The following ZNF880 variants were observed in gnomAD, a reference collection of about 807,000 sequenced individuals.
The protein encoded by ZNF880 is zinc finger protein 880.
In ZNF880, 12 loss-of-function variants were observed where a neutral mutation model predicts 11.8. The observed-to-expected ratio is 1.02, with a 90% CI of 0.65 to 1.65. The LOEUF (loss-of-function observed/expected upper bound fraction) is 1.65. Ranked by LOEUF, ZNF880 falls within the 40% of genes most tolerant of loss-of-function variation. ZNF880 has a pLI of 0.00. For synonymous variants in ZNF880, 210 were observed against 232.4 expected, an observed-to-expected ratio of 0.90 and a Z score of 0.88; for missense variants, 601 against 673.9, an observed-to-expected ratio of 0.89 and a Z score of 1.20.
chr19:52,379,634 C>T (rs528581233), intron 3 of ZNF880: 76 of 289,934 alleles, frequency 2.6e-4, no homozygotes, highest in Middle Eastern at 1.1e-3. Flanking sequence ...AGTTTTAGGT[C>T]GCTGCATCCT....
At chr19:52,367,155 G>A (rs762691833), upstream of ZNF880, 13 of 166,584 alleles carry the variant, frequency 7.8e-5, no homozygotes, top group South Asian at 1.7e-4. Flanking sequence ...ACGAAGTCTC[G>A]CTGTATTACC....
chr19:52,378,126 G>C lies in ZNF880; in HGVS notation c.268+3699G>C, dbSNP rs1036979929. ...AGCCCAGTCCAGGGAACCTACAGAGGTTGCCTCATTAGAACAAATCACATT... is the reference window on the plus strand; with the variant it reads ...AGCCCAGTCCAGGGAACCTACAGAGCTTGCCTCATTAGAACAAATCACATT... On this transcript the variant is annotated intron_variant, in intron 3 of 3. Transcript: ENST00000422689. Among the ~76,000 whole-genome samples, 3 of 152,146 alleles carry C rather than the reference G, an allele frequency of 2.0e-5. No homozygotes were observed. In the East Asian group the frequency reaches 5.8e-4, roughly 29 times the overall value.
chr19:52,370,028 CT>C (rs1329392524), intron 1 of ZNF880, 51 bp downstream of exon 1: 1 of 1,550,784 alleles, frequency 6.4e-7, no homozygotes. Flanking sequence ...TCCCCTCGCG[CT>C]TCTGTACCCG....
intron 3 of ZNF880, chr19:52,379,863 T>C (rs1279341070): frequency 2.0e-5 from 3 of 151,870 alleles, no homozygotes; most frequent in Non-Finnish European, 4.4e-5. Flanking sequence ...GGTAATTTGA[T>C]TTTGGATTAT....
chr19:52,367,473 G>C (rs162118), upstream of ZNF880: 1 of 152,094 alleles, frequency 6.6e-6, no homozygotes, highest in African/African-American at 2.4e-5. Context: ...TTCTACCAGC[G>C]TTGTTTAATC....
intron 3 of ZNF880, among the ~76,000 whole-genome samples, chr19:52,380,600 T>A (rs1986680395): frequency 1.3e-5 from 2 of 152,216 alleles, no homozygotes; most frequent in African/African-American, 4.8e-5. Flanking sequence ...TACATTAAGT[T>A]TCCTTTTGAC....
chr19:52,374,301 A>G lies in ZNF880; in HGVS notation c.142A>G (p.Ile48Val), dbSNP rs745404175. 3.1e-6 allele frequency: 5 copies of G among 1,612,278 alleles called. No individual in the cohort carries two copies. In the African/African-American group the frequency reaches 5.4e-5, roughly 17 times the overall value. ...ENYRNLVFLG[I>V]CLPDLSVISM... Reference sequence around the variant, plus strand: ...ATATTCTTTCTTTTTTTAAATAGGAATCTGTCTTCCTGACCTGAGTGTTAT... The same window carrying G: ...ATATTCTTTCTTTTTTTAAATAGGAGTCTGTCTTCCTGACCTGAGTGTTAT... Residue 48 changes from isoleucine to valine, a missense_variant and splice_region_variant, in exon 3 of 4, where the codon ATC (isoleucine) becomes GTC (valine). Ile to Val is a conservative substitution (Grantham distance 29). Transcript: ENST00000422689.
intron 2 of ZNF880, 113 bp downstream of exon 2, chr19:52,373,350 C>T: frequency 2.7e-6 from 3 of 1,099,156 alleles, no homozygotes; most frequent in Non-Finnish European, 3.9e-6. Context: ...AGATTGAAAC[C>T]CTGTTGACTC....
At chr19:52,382,167 C>T (rs1004409001) in intron 3 of ZNF880, among the ~76,000 whole-genome samples, 2 of 151,876 alleles carry the variant, frequency 1.3e-5, no homozygotes, top group African/African-American at 2.4e-5. Context: ...CCAGCTACTA[C>T]TTGGGAGGCT....
intron 1 of ZNF880, 157 bp downstream of exon 1, chr19:52,370,134 C>T (rs1986320043): frequency 5.1e-6 from 5 of 980,768 alleles, no homozygotes; most frequent in Non-Finnish European, 6.2e-6. Flanking sequence ...GCGGTCGCTT[C>T]CCTGAGTGTT....
intron 3 of ZNF880, among the ~76,000 whole-genome samples, chr19:52,383,420 G>A (rs964414752): frequency 2.4e-5 from 3 of 125,906 alleles, no homozygotes; most frequent in African/African-American, 8.7e-5. Flanking sequence ...TGTAAGCGTT[G>A]TGCAGGATAC....
intron 3 of ZNF880, among the ~76,000 whole-genome samples, 198 bp from the exon 4 acceptor site, chr19:52,383,651 C>T (rs1030051361): frequency 6.6e-6 from 1 of 152,204 alleles, no homozygotes. Context: ...CCATAATCCA[C>T]CTGACTCCTG....
intron 1 of ZNF880, chr19:52,370,315 C>G (rs73934439): frequency 2.9e-6 from 1 of 345,404 alleles, no homozygotes; most frequent in Non-Finnish European, 5.4e-6. Context: ...GTCCCCCAAG[C>G]CTCGCCCTCT....
In ZNF880 at chr19:52,384,048, C is replaced by T; in HGVS notation, c.468C>T (p.His156=). ...LQKIYSSVKS[H]ILNKYRNDFD... is the part of the protein sequence containing the mutation. ...AAATTTATTCTAGTGTCAAATCCCA[C>T]ATTTTAAATAAATACAGAAATGATT... Residue 156 remains histidine (H), a synonymous_variant, in exon 4 of 4, where the codon CAC becomes CAT. Transcript: ENST00000422689. The T allele has an allele frequency of 1.9e-6, 3 of 1,561,192 alleles. No individual in the cohort carries two copies. Among genetic ancestry groups the T allele is most frequent in the Non-Finnish European group, 2.6e-6 (3 of 1,152,440 alleles).
chr19:52,375,111 G>C (rs1403459502), intron 3 of ZNF880, among the ~76,000 whole-genome samples: 1 of 148,182 alleles, frequency 6.7e-6, no homozygotes, highest in East Asian at 2.0e-4. Flanking sequence ...TTGTTTGCTT[G>C]TTTGTTTTTG....
intron 1 of ZNF880, chr19:52,370,479 A>G (rs928183056): frequency 1.9e-5 from 3 of 158,488 alleles, no homozygotes; most frequent in African/African-American, 7.2e-5. Flanking sequence ...AAGTAATGGC[A>G]AACCGCGATC....
At chr19:52,369,720 A>G (rs1986295246), upstream of ZNF880, among the ~76,000 whole-genome samples, 1 of 152,080 alleles carries the variant, frequency 6.6e-6, no homozygotes, top group Non-Finnish European at 1.5e-5. Context: ...TAATTTTAAT[A>G]GCAGGAATTT....
At chr19:52,366,942 T>C, upstream of ZNF880, 2 of 578,664 alleles carry the variant, frequency 3.5e-6, no homozygotes, top group East Asian at 2.8e-5. Context: ...TAATAACATA[T>C]ATAAATAATC....
intron 1 of ZNF880, among the ~76,000 whole-genome samples, chr19:52,372,192 A>C (rs73581131): frequency 0.16 from 23,797 of 151,750 alleles, 1,990 homozygotes; most frequent in African/African-American, 0.21. Flanking sequence ...CCATCTAAAA[A>C]AAAATTATAT....
Sources: gnomAD v4.1 joint callset for allele counts (sites outside exome capture counted in the v4.1 genomes callset) on GRCh38, gnomAD v4.1.1 for gene constraint, MANE v1.5 for transcripts, NCBI Gene and HGNC (gene_info 2026-07-23, HGNC 2026-07-21) for gene names.